The following MYO7A variants were observed in gnomAD, a reference collection of about 807,000 sequenced individuals.
MYO7A encodes unconventional myosin-VIIa.
Under a neutral mutation model 263.8 loss-of-function variants are expected in MYO7A, and 210 were observed. That is an observed-to-expected ratio of 0.80 (90% confidence interval 0.71 to 0.89). MYO7A has a LOEUF of 0.89. Among genes scored for constraint, MYO7A ranks in the 40% least tolerant of loss-of-function variants. MYO7A has a pLI of 0.00. For synonymous variants in MYO7A, 1,239 were observed against 1,197.3 expected (o/e 1.03, Z -0.72); for missense variants, 2,820 against 2,968.3 (o/e 0.95, Z 1.16).
Position 77,156,791 on chromosome 11 carries a change from G to A in MYO7A, c.592+10G>A, listed in dbSNP as rs782286024. On this transcript the variant is annotated intron_variant, in intron 6 of 48. Transcript: ENST00000409709. ...ACCCCCATTCTGGAAGGTAGGACCAGAGTTCCGAGGGTGGGACCAGGCAGT... is the reference window on the plus strand; with the variant it reads ...ACCCCCATTCTGGAAGGTAGGACCAAAGTTCCGAGGGTGGGACCAGGCAGT... The A allele has an allele frequency of 4.3e-6, 7 of 1,613,894 alleles. No individual in the cohort carries two copies. Among genetic ancestry groups the A allele is most frequent in the Non-Finnish European group, 5.9e-6 (7 of 1,179,890 alleles).
chr11:77,198,752 C>T (rs1343606794), intron 34 of MYO7A, 131 bp downstream of exon 34: 27 of 1,397,082 alleles, frequency 1.9e-5, no homozygotes, highest in South Asian at 6.8e-5. Context: ...CAGTTTGTGC[C>T]GCACTGTGCA....
Position 77,159,523 on chromosome 11 carries a change from G to A in MYO7A, c.1080G>A (p.Glu360=). ...PSLATAASLL[E]VNPPDLMSCL... Reference sequence around the variant, plus strand: ...TGGCCACAGCTGCATCCCTGCTTGAGGTCAGTGCCTGGCCTCTCTCCCCTC... The same window carrying A: ...TGGCCACAGCTGCATCCCTGCTTGAAGTCAGTGCCTGGCCTCTCTCCCCTC... Residue 360 remains glutamate, a splice_region_variant and synonymous_variant, in exon 10 of 49, where the codon GAG becomes GAA. Coordinates refer to ENST00000409709, the MANE Select transcript of MYO7A (RefSeq NM_000260.4). The A allele has an allele frequency of 6.2e-7, 1 of 1,613,144 alleles. No homozygotes were observed. The highest frequency in any genetic ancestry group is 1.3e-5 in the African/African-American group (1 of 75,000).
chr11:77,192,803 G>A (rs1481251054), intron 31 of MYO7A, among the ~76,000 whole-genome samples: 4 of 3,092 alleles, frequency 1.3e-3, no homozygotes, highest in East Asian at 5.2e-3. Flanking sequence ...TGGTAGTAAC[G>A]TTGGTGGAGG....
At chr11:77,187,052 G>A (rs61900011) in intron 27 of MYO7A, among the ~76,000 whole-genome samples, 10,793 of 152,228 alleles carry the variant, frequency 0.071, 514 homozygotes, top group Admixed American at 0.14. Flanking sequence ...GGGAATGGCT[G>A]GTTGGTAGAG....
intron 3 of MYO7A, among the ~76,000 whole-genome samples, chr11:77,145,050 G>A (rs1352033422): frequency 6.6e-6 from 1 of 152,172 alleles, no homozygotes; most frequent in Non-Finnish European, 1.5e-5. Context: ...GCAGGGTGCT[G>A]GCCTCTGTTG....
rs115578099 is a variant in MYO7A, at chr11:77,168,314, G to T, written c.1797+2152G>T. Among the ~76,000 whole-genome samples the T allele has an allele frequency of 4.0e-3, 604 of 152,232 alleles. 4 individuals are homozygous for T. Among genetic ancestry groups the T allele is most frequent in the African/African-American group, 0.014 (566 of 41,554 alleles). On this transcript the variant is annotated intron_variant, in intron 15 of 48. Coordinates refer to ENST00000409709, the MANE Select transcript of MYO7A (RefSeq NM_000260.4). ...CAGGAGCCCAGAGTCTCCAGAAATG[G>T]CCCCCTCCAGAAGAAGTTTTAGGAA...
intron 4 of MYO7A, 97 bp downstream of exon 4, chr11:77,148,047 G>A: frequency 8.7e-7 from 1 of 1,143,510 alleles, no homozygotes; most frequent in Non-Finnish European, 1.2e-6. Context: ...GCCCCGCCCT[G>A]CCGGGGCCCT....
Position 77,180,462 on chromosome 11 carries a change from A to C in MYO7A, c.2675A>C (p.Glu892Ala). The change falls in exon 22 of 49, where the codon GAG becomes GCG. Residue 892 changes from glutamate to alanine, a missense_variant. By Grantham distance (107) the Glu-to-Ala change is moderately radical. Coordinates refer to ENST00000409709, the MANE Select transcript of MYO7A (RefSeq NM_000260.4). ...ATGAGCGCCAAGAAGGCCAAGGAGGAGGCCGAGCGCAAGCATCAGGTGAGC... is the reference window on the plus strand; with the variant it reads ...ATGAGCGCCAAGAAGGCCAAGGAGGCGGCCGAGCGCAAGCATCAGGTGAGC... ...KEMSAKKAKE[E>A]AERKHQERLA... 1.9e-6 allele frequency: 3 copies of C among 1,612,410 alleles called. No homozygotes were observed. The highest frequency in any genetic ancestry group is 2.5e-6 in the Non-Finnish European group (3 of 1,179,768).
intron 27 of MYO7A, among the ~76,000 whole-genome samples, chr11:77,188,412 TA>T (rs1237874010): frequency 3.3e-5 from 5 of 152,258 alleles, no homozygotes; most frequent in African/African-American, 4.8e-5. Flanking sequence ...TTTATCATGA[TA>T]AAAAAATGGG....
At chr11:77,150,373 A>G (rs1951879179) in intron 4 of MYO7A, among the ~76,000 whole-genome samples, 1 of 152,146 alleles carries the variant, frequency 6.6e-6, no homozygotes, top group Non-Finnish European at 1.5e-5. Flanking sequence ...AGAGGGAGGA[A>G]AAAACTTCAG....
In MYO7A at chr11:77,130,779, C is replaced by T. The variant is rs1950744458; in HGVS notation, c.18+127C>T. On this transcript the variant is annotated intron_variant, in intron 2 of 48. Coordinates refer to ENST00000409709, the MANE Select transcript of MYO7A (RefSeq NM_000260.4). ...AAATTCCTGCCTAGGCTTCCAAACC[C>T]AGCCCTCCAGGCTGAGGCCTAGTCT... The T allele has an allele frequency of 1.0e-5, 11 of 1,072,198 alleles. No homozygotes were observed. In the South Asian group the frequency reaches 1.5e-4, roughly 15 times the overall value. The allele number at this position is 1,072,198 out of a possible 1,614,324, so 66.4% of individuals were successfully genotyped here.
At chr11:77,163,797 AACCTTT>A (rs1953247413) in intron 14 of MYO7A, among the ~76,000 whole-genome samples, 2 of 147,432 alleles carry the variant, frequency 1.4e-5, no homozygotes, top group African/African-American at 5.1e-5. Flanking sequence ...TGTGTGGATA[AACCTTT>A]TGTTTATCCA....
rs1555069485 is a variant in MYO7A, at chr11:77,162,253, C to G, written c.1477C>G (p.Gln493Glu). ...DWLHIEFTDN[Q>E]DALDMIANKP... ...GCTGCACATCGAGTTCACTGACAAC[C>G]AGGATGCCCTGGACATGATTGCCAA... Residue 493 changes from glutamine to glutamate, a missense_variant, in exon 13 of 49, where the codon CAG becomes GAG. Transcript: ENST00000409709. The G allele has an allele frequency of 1.1e-5, 17 of 1,559,736 alleles. No homozygotes were observed. In the Admixed American group the frequency reaches 2.7e-4, roughly 25 times the overall value.
At position 77,138,625 on chromosome 11, in the gene MYO7A, G is replaced by T. The variant is rs544414756; in HGVS notation, c.19-4084G>T. ...CGGCTGCCCTTTCCTAGGAGGAGAGGTTTTGCATCTGGGAAACCCAAGCCA... is the reference window on the plus strand; with the variant it reads ...CGGCTGCCCTTTCCTAGGAGGAGAGTTTTTGCATCTGGGAAACCCAAGCCA... On this transcript the variant is annotated intron_variant, in intron 2 of 48. Coordinates refer to ENST00000409709, the MANE Select transcript of MYO7A (RefSeq NM_000260.4). The surrounding 1 kb of genome is among the most constrained non-coding windows in gnomAD (Gnocchi z 4.9). Among the ~76,000 whole-genome samples, 9 of 152,306 alleles carry T rather than the reference G, an allele frequency of 5.9e-5. No homozygotes were observed. In the East Asian group the frequency reaches 1.7e-3, roughly 29 times the overall value.
In MYO7A at chr11:77,211,218, C is replaced by T; in HGVS notation, c.6118C>T (p.Leu2040=). The change falls in exon 45 of 49, where the codon CTG becomes TTG. Residue 2040 remains leucine (L), a synonymous_variant. Coordinates refer to ENST00000409709, the MANE Select transcript of MYO7A (RefSeq NM_000260.4). ...GGAGGAGGTGCTGCAGCTGGGGGCG[C>T]TGATCTACAGGGTCAAGTTCGAGGA... The part of the protein sequence containing the change: ...TREEVLQLGA[L]IYRVKFEEDK... 6.3e-7 allele frequency: 1 copy of T among 1,591,842 alleles called. No individual in the cohort carries two copies. Among genetic ancestry groups the T allele is most frequent in the Non-Finnish European group, 8.6e-7 (1 of 1,169,518 alleles).
chr11:77,206,899 C>T (rs779795023), intron 41 of MYO7A: 8 of 173,284 alleles, frequency 4.6e-5, no homozygotes, highest in South Asian at 3.6e-4. Context: ...CTTCCCCAGA[C>T]GCTCAAACCC....
chr11:77,160,496 C>T (rs1952893992), intron 11 of MYO7A, among the ~76,000 whole-genome samples: 1 of 152,168 alleles, frequency 6.6e-6, no homozygotes, highest in Non-Finnish European at 1.5e-5. Context: ...TGGCTTTTGG[C>T]CTGCTTTGGT....
intron 37 of MYO7A, 136 bp downstream of exon 37, chr11:77,202,560 C>T: frequency 1.7e-6 from 2 of 1,164,842 alleles, no homozygotes; most frequent in Non-Finnish European, 2.3e-6. Flanking sequence ...AGCTGGAGGG[C>T]TGTTTCTGTC....
At chr11:77,153,409 G>A (rs1207436825) in intron 4 of MYO7A, among the ~76,000 whole-genome samples, 6 of 152,114 alleles carry the variant, frequency 3.9e-5, no homozygotes, top group Admixed American at 3.3e-4. Flanking sequence ...ACATCAGGAG[G>A]CTCAGGGCTG....
Sources: gnomAD v4.1 joint callset for allele counts (sites outside exome capture counted in the v4.1 genomes callset) on GRCh38, gnomAD v4.1.1 for gene constraint, Gnocchi (gnomAD v3.1) non-coding constraint, MANE v1.5 for transcripts, NCBI Gene and HGNC (gene_info 2026-07-23, HGNC 2026-07-21) for gene names.